Variants in QKI observed in about 807,000 individuals in gnomAD.
The protein encoded by QKI is QKI, KH domain containing RNA binding, also known as KH domain-containing RNA-binding protein QKI.
In QKI, 10 loss-of-function variants were observed where a neutral mutation model predicts 39.0. That is an observed-to-expected ratio of 0.26 (90% CI 0.16 to 0.43). The LOEUF (loss-of-function observed/expected upper bound fraction) is 0.43. Ranked by LOEUF, QKI falls within the 20% of genes least tolerant of loss-of-function variation. The pLI, the probability that QKI is intolerant of heterozygous loss-of-function variation, is 1.00. For missense variants in QKI, 218 were observed against 428.0 expected (o/e 0.51, Z 4.33); for synonymous variants, 204 against 155.4 (o/e 1.31, Z -2.33).
intron 1 of QKI, among the ~76,000 whole-genome samples, chr6:163,441,327 G>A (rs1422020387): frequency 6.6e-6 from 1 of 152,114 alleles, no homozygotes; most frequent in Non-Finnish European, 1.5e-5. Flanking sequence ...TACTTTAAAG[G>A]GAAGAGGAGT....
chr6:163,499,792 A>G (rs1325293830), intron 3 of QKI, among the ~76,000 whole-genome samples: 1 of 152,142 alleles, frequency 6.6e-6, no homozygotes, highest in Non-Finnish European at 1.5e-5. Flanking sequence ...CCTACTCTGG[A>G]CTAGACACAA....
chr6:163,544,643 T>A (rs1233900705), intron 4 of QKI, among the ~76,000 whole-genome samples: 1 of 152,094 alleles, frequency 6.6e-6, no homozygotes, highest in East Asian at 1.9e-4. Flanking sequence ...GCCAAAAATT[T>A]TGAGACTGTA....
At chr6:163,562,128 T>A (rs111516295) in intron 5 of QKI, 59 bp downstream of exon 5, 3 of 1,314,152 alleles carry the variant, frequency 2.3e-6, no homozygotes, top group African/African-American at 1.5e-5. Flanking sequence ...GTCTACAGAC[T>A]TTTTTCCTTT....
At chr6:163,469,376 T>C (rs1447118122) in intron 2 of QKI, among the ~76,000 whole-genome samples, 1 of 152,190 alleles carries the variant, frequency 6.6e-6, no homozygotes, top group Admixed American at 6.5e-5. Flanking sequence ...TAATGCATTT[T>C]TCCAGACATT....
At chr6:163,539,539 C>A (rs1313160268) in intron 4 of QKI, among the ~76,000 whole-genome samples, 1 of 152,124 alleles carries the variant, frequency 6.6e-6, no homozygotes, top group African/African-American at 2.4e-5. Context: ...GTTCCTTAGA[C>A]CTTTCCATTA....
rs1377033706 is a variant in QKI at position 163,566,069 on chromosome 6, T to C, written c.935-652T>C. Reference sequence around the variant, plus strand: ...GGGGGAAAAAAGCTTAGCCTAGCAGTCAGTGACTTACTTGCACTTTTTGCA... The same window carrying C: ...GGGGGAAAAAAGCTTAGCCTAGCAGCCAGTGACTTACTTGCACTTTTTGCA... On this transcript the variant is annotated intron_variant, in intron 6 of 7. Coordinates refer to ENST00000361752, the MANE Select transcript of QKI (RefSeq NM_006775.3). 7 of 1,560,372 alleles carry C rather than the reference T, an allele frequency of 4.5e-6. No homozygotes were observed. The East Asian group carries it at 1.4e-4, about 30-fold the overall frequency.
At position 163,574,691 on chromosome 6, in the gene QKI, A is replaced by G. The variant is rs1439223728; in HGVS notation, c.*3981A>G. On this transcript the variant is annotated 3_prime_UTR_variant, in exon 8 of 8. Coordinates refer to ENST00000361752, the MANE Select transcript of QKI (RefSeq NM_006775.3). The stretch of plus-strand genomic sequence containing the variant: ...AACTTGGGTAAATTAACCTGTAATT[A>G]TGAATTATTTAGTTTAACTCAAGGT... The G allele has an allele frequency of 6.6e-6, 1 of 152,240 alleles. No individual in the cohort carries two copies. The highest frequency in any genetic ancestry group is 1.5e-5 in the Non-Finnish European group (1 of 68,038). 9.4% of individuals were successfully genotyped at this position (152,240 alleles called of 1,614,324 possible). A position where few individuals can be genotyped will look rare whatever the true frequency, so the allele number is the denominator to read the frequency against.
intron 3 of QKI, among the ~76,000 whole-genome samples, chr6:163,491,167 C>T (rs765911358): frequency 6.6e-6 from 1 of 152,014 alleles, no homozygotes; most frequent in Non-Finnish European, 1.5e-5. Flanking sequence ...AAGAGACCCA[C>T]TAAAAAAATT....
Position 163,570,856 on chromosome 6 carries a change from CA to C in QKI, c.*149del. ...TTGTCCGTTCGTCTTACCATCTAAC[CA>C]AACAAAAGACAAAGAAATTGTTGTC... On this transcript the variant is annotated 3_prime_UTR_variant, in exon 8 of 8. Coordinates refer to ENST00000361752, the MANE Select transcript of QKI (RefSeq NM_006775.3). 3 of 1,048,918 alleles carry C rather than the reference CA, an allele frequency of 2.9e-6. No homozygotes were observed. The highest frequency in any genetic ancestry group is 4.0e-6 in the Non-Finnish European group (3 of 747,606). The allele number at this position is 1,048,918 out of a possible 1,614,324, so 65.0% of individuals were successfully genotyped here. A position where few individuals can be genotyped will look rare whatever the true frequency, so the allele number is the denominator to read the frequency against.
At chr6:163,457,683 G>A (rs1055509047) in intron 2 of QKI, 88 of 324,712 alleles carry the variant, frequency 2.7e-4, no homozygotes, top group South Asian at 6.5e-4. Context: ...AGGCTGACAG[G>A]TAGGTGATCA....
chr6:163,463,665 AT>A (rs1791506814), intron 2 of QKI, among the ~76,000 whole-genome samples: 1 of 152,216 alleles, frequency 6.6e-6, no homozygotes, highest in South Asian at 2.1e-4. Context: ...CGTGAGGAAG[AT>A]AGATTATCAC....
chr6:163,554,337 C>T (rs1045677118), intron 4 of QKI, among the ~76,000 whole-genome samples: 1 of 152,178 alleles, frequency 6.6e-6, no homozygotes, highest in Non-Finnish European at 1.5e-5. Context: ...CACACTATGC[C>T]TCAGTTCTGA....
intron 3 of QKI, 63 bp from the exon 4 acceptor site, chr6:163,534,919 A>G: frequency 1.5e-6 from 2 of 1,303,902 alleles, no homozygotes; most frequent in Non-Finnish European, 2.1e-6. Context: ...GGTTAGTATT[A>G]TGAAAGATGT....
chr6:163,551,566 A>T (rs1782236123), intron 4 of QKI, among the ~76,000 whole-genome samples: 1 of 152,266 alleles, frequency 6.6e-6, no homozygotes, highest in South Asian at 2.1e-4. Flanking sequence ...TGTTACCACC[A>T]TGACTACATC....
intron 5 of QKI, among the ~76,000 whole-genome samples, chr6:163,563,171 T>G (rs1173618557): frequency 6.6e-6 from 1 of 152,224 alleles, no homozygotes; most frequent in Non-Finnish European, 1.5e-5. Context: ...ACCTATTTAA[T>G]GGTGTCATTC....
chr6:163,522,556 TTC>T (rs1193379089), intron 3 of QKI, among the ~76,000 whole-genome samples: 1 of 152,104 alleles, frequency 6.6e-6, no homozygotes, highest in Non-Finnish European at 1.5e-5. Flanking sequence ...TTTGTCTCTA[TTC>T]TCCAGTGAGC....
At chr6:163,532,764 G>A (rs1162835149) in intron 3 of QKI, among the ~76,000 whole-genome samples, 1 of 152,142 alleles carries the variant, frequency 6.6e-6, no homozygotes, top group Admixed American at 6.6e-5. Flanking sequence ...TCAGGGTTCA[G>A]CTGAATATTT....
At chr6:163,429,957 A>G (rs1484084622) in intron 1 of QKI, among the ~76,000 whole-genome samples, 1 of 152,188 alleles carries the variant, frequency 6.6e-6, no homozygotes, top group Non-Finnish European at 1.5e-5. Flanking sequence ...AAGACTAAAG[A>G]CTGGTGCTAA....
chr6:163,418,383 G>C (rs1039440479), intron 1 of QKI, among the ~76,000 whole-genome samples: 1 of 152,028 alleles, frequency 6.6e-6, no homozygotes, highest in Non-Finnish European at 1.5e-5. Flanking sequence ...ATGAAGACTT[G>C]GATGTTTTAG....
Sources: gnomAD v4.1 joint callset for allele counts (sites outside exome capture counted in the v4.1 genomes callset) on GRCh38, gnomAD v4.1.1 for gene constraint, MANE v1.5 for transcripts, NCBI Gene and HGNC (gene_info 2026-07-23, HGNC 2026-07-21) for gene names.